The following CFAP99 variants were observed in gnomAD, a reference collection of about 807,000 sequenced individuals.
CFAP99 encodes the protein cilia- and flagella-associated protein 99.
CFAP99 carries 84 observed loss-of-function variants against 82.7 expected under a neutral mutation model. That is an observed-to-expected ratio of 1.02 (90% CI 0.85 to 1.22). The LOEUF (loss-of-function observed/expected upper bound fraction) is 1.22, where lower values mean the gene tolerates loss of function less well. Among genes scored for constraint, CFAP99 ranks in the 50% most tolerant of loss-of-function variants. The pLI, the probability that CFAP99 is intolerant of heterozygous loss-of-function variation, is 0.00. For missense variants in CFAP99, 1,059 were observed against 983.5 expected (o/e 1.08, Z -1.03); for synonymous variants, 456 against 429.5 (o/e 1.06, Z -0.76).
intron 4 of CFAP99, among the ~76,000 whole-genome samples, chr4:2,440,411 G>T (rs1321408255): frequency 3.3e-5 from 5 of 151,208 alleles, no homozygotes; most frequent in Non-Finnish European, 7.4e-5. Context: ...CTCCCAAAGT[G>T]CTGGGATTAC....
At chr4:2,433,554 C>G (rs1323572927) in intron 2 of CFAP99, among the ~76,000 whole-genome samples, 3 of 152,176 alleles carry the variant, frequency 2.0e-5, no homozygotes, top group Non-Finnish European at 4.4e-5. Context: ...CTCCCAGCAG[C>G]TCAGTGGGGG....
At chr4:2,457,182 A>G (rs1057114041) in intron 11 of CFAP99, among the ~76,000 whole-genome samples, 3 of 151,840 alleles carry the variant, frequency 2.0e-5, no homozygotes, top group Non-Finnish European at 4.4e-5. Flanking sequence ...AGCTCAAGCA[A>G]TCCTCCCCCC....
chr4:2,421,408 G>C (rs1733582330), intron 1 of CFAP99, among the ~76,000 whole-genome samples: 1 of 143,426 alleles, frequency 7.0e-6, no homozygotes, highest in Non-Finnish European at 1.5e-5. Context: ...AGGCTGGAGT[G>C]CAGAGGCACG....
At position 2,462,649 on chromosome 4, in the gene CFAP99, G is replaced by T. The variant is rs775595179; in HGVS notation, c.1868G>T (p.Gly623Val). The T allele has an allele frequency of 5.4e-6, 7 of 1,284,738 alleles. No individual in the cohort carries two copies. The highest frequency in any genetic ancestry group is 5.9e-4 in the Middle Eastern group (2 of 3,390). The allele number at this position is 1,284,738 out of a possible 1,614,324, so 79.6% of individuals were successfully genotyped here. A position where few individuals can be genotyped will look rare whatever the true frequency, so the allele number is the denominator to read the frequency against. The change falls in exon 15 of 15, where the codon GGG (glycine) becomes GTG (valine). Residue 623 changes from glycine to valine, a missense_variant. Coordinates refer to ENST00000635017, the Ensembl canonical transcript of CFAP99. The surrounding 1 kb of genome is among the most constrained non-coding windows in gnomAD (Gnocchi z 4.1). ...GAGGAGCCCGGGCGACTGAAAGCCG[G>T]GGCCGGGTGGGGATGGCGGGCGCGG...
chr4:2,440,511 G>A (rs764486229), intron 4 of CFAP99, among the ~76,000 whole-genome samples: 2 of 151,704 alleles, frequency 1.3e-5, no homozygotes, highest in South Asian at 4.2e-4. Context: ...CAAAACTTTG[G>A]GAGGCCAAAG....
chr4:2,459,296 G>C, intron 13 of CFAP99, 38 bp downstream of exon 13: 1 of 1,488,802 alleles, frequency 6.7e-7, no homozygotes, highest in Non-Finnish European at 8.9e-7. Flanking sequence ...TGCCTCAGGG[G>C]CCTCCACGCT....
At chr4:2,461,566 T>C (rs1004626358) in intron 14 of CFAP99, among the ~76,000 whole-genome samples, 7 of 152,202 alleles carry the variant, frequency 4.6e-5, no homozygotes, top group South Asian at 4.1e-4. Flanking sequence ...TTCCAGCTGC[T>C]GGCCACGGCC....
intron 2 of CFAP99, among the ~76,000 whole-genome samples, chr4:2,432,583 GC>G (rs1411308092): frequency 6.6e-6 from 1 of 151,940 alleles, no homozygotes; most frequent in African/African-American, 2.4e-5. Context: ...CCCCCAACCT[GC>G]CCCGGCCTGG....
In CFAP99 at chr4:2,458,865, G is replaced by A. The variant is rs1168821981; in HGVS notation, c.1303+1G>A. The A allele has an allele frequency of 2.0e-6, 3 of 1,533,698 alleles. No homozygotes were observed. In the South Asian group the frequency reaches 3.6e-5, roughly 18 times the overall value. The stretch of plus-strand genomic sequence containing the variant: ...CTCGCGAAGGGCCGACAGCAGACAG[G>A]TAGTCAGGAGCCAGATGTCACTGGC... On this transcript the variant is annotated splice_donor_variant, in intron 12 of 14. Transcript: ENST00000635017. LOFTEE classifies it high-confidence loss of function.
At chr4:2,455,299 G>A (rs1312340345) in intron 11 of CFAP99, among the ~76,000 whole-genome samples, 1 of 152,264 alleles carries the variant, frequency 6.6e-6, no homozygotes, top group Non-Finnish European at 1.5e-5. Flanking sequence ...TGAGGTTTAT[G>A]ATGGGTGTTT....
chr4:2,449,936 G>A (rs1734263623), exon 8 of CFAP99: 2 of 1,536,058 alleles, frequency 1.3e-6, no homozygotes, highest in Non-Finnish European at 8.7e-7. Flanking sequence ...TGTGGCAGGA[G>A]CTGCTGCTGA....
intron 5 of CFAP99, among the ~76,000 whole-genome samples, chr4:2,443,600 T>G (rs1344009727): frequency 1.3e-5 from 2 of 152,126 alleles, no homozygotes; most frequent in Non-Finnish European, 2.9e-5. Context: ...GCTGCGTCAG[T>G]GGTTCTAGTC....
intron 11 of CFAP99, among the ~76,000 whole-genome samples, chr4:2,458,362 C>A (rs1357604080): frequency 1.3e-5 from 2 of 152,154 alleles, no homozygotes; most frequent in Non-Finnish European, 2.9e-5. Context: ...CCACGTCCCC[C>A]CTACCCCGGG....
intron 11 of CFAP99, among the ~76,000 whole-genome samples, chr4:2,454,581 C>CTTT (rs200727697): frequency 3.2e-5 from 3 of 94,720 alleles, no homozygotes; most frequent in Non-Finnish European, 4.2e-5. Flanking sequence ...TGTTTTTTTT[C>CTTT]TTTTTTTTTT....
chr4:2,462,488 G>T lies in CFAP99; in HGVS notation c.1707G>T (p.Ser569=). 1 of 1,474,960 alleles carries T rather than the reference G, an allele frequency of 6.8e-7. No individual in the cohort carries two copies. Among genetic ancestry groups the T allele is most frequent in the Non-Finnish European group, 8.9e-7 (1 of 1,122,498 alleles). The allele number at this position is 1,474,960 out of a possible 1,614,324, so 91.4% of individuals were successfully genotyped here. Residue 569 remains serine (S), a synonymous_variant, in exon 15 of 15, where the codon TCG becomes TCT. Coordinates refer to ENST00000635017, the Ensembl canonical transcript of CFAP99. This position sits in a 1 kb window ranked among gnomAD's most constrained non-coding sequence, Gnocchi z 4.1. ...TTGCGGCGGCCCCGGCGGCGCCCTCGCAGGACGAGCGCGTGCAGCAGCTGC... is the reference window on the plus strand; with the variant it reads ...TTGCGGCGGCCCCGGCGGCGCCCTCTCAGGACGAGCGCGTGCAGCAGCTGC...
rs3135150 is a variant in CFAP99 at position 2,462,452 on chromosome 4, A to G, written c.1671A>G (p.Glu557=). 0.68 allele frequency: 984,078 copies of G among 1,456,544 alleles called. 334,584 individuals are homozygous for G. The highest frequency in any genetic ancestry group is 0.82 in the Admixed American group (30,609 of 37,286). 90.2% of individuals were successfully genotyped at this position (1,456,544 alleles called of 1,614,324 possible). The change falls in exon 15 of 15, where the codon GAA becomes GAG. Residue 557 remains glutamate, a synonymous_variant. Coordinates refer to ENST00000635017, the Ensembl canonical transcript of CFAP99. This position sits in a 1 kb window ranked among gnomAD's most constrained non-coding sequence, Gnocchi z 4.1. ...CCGCGTCGCCCGCCAGGTGGGAGGA[A>G]AAGAAGGCCCTTGCGGCGGCCCCGG...
intron 2 of CFAP99, among the ~76,000 whole-genome samples, chr4:2,430,776 A>G (rs1321279690): frequency 2.0e-5 from 3 of 152,038 alleles, no homozygotes; most frequent in Admixed American, 1.3e-4. Flanking sequence ...ATTTCTCTCT[A>G]AAAGAAAAAA....
chr4:2,419,346 C>T (rs1733485114), intron 1 of CFAP99, among the ~76,000 whole-genome samples: 1 of 152,068 alleles, frequency 6.6e-6, no homozygotes, highest in South Asian at 2.1e-4. Context: ...TTAAAACGCT[C>T]ACCTCAATCT....
chr4:2,458,652 G>A, intron 11 of CFAP99, 71 bp from the exon 12 acceptor site: 1 of 1,484,192 alleles, frequency 6.7e-7, no homozygotes, highest in Non-Finnish European at 8.9e-7. Flanking sequence ...GCTGCGCCCT[G>A]GGCTGGGGCG....
Sources: gnomAD v4.1 joint callset for allele counts (sites outside exome capture counted in the v4.1 genomes callset) on GRCh38, gnomAD v4.1.1 for gene constraint, Gnocchi (gnomAD v3.1) non-coding constraint, MANE v1.5 for transcripts, NCBI Gene and HGNC (gene_info 2026-07-23, HGNC 2026-07-21) for gene names.